CDH11: variants seen among roughly 807,000 people sequenced by gnomAD.
CDH11 encodes cadherin-11.
Under a neutral mutation model 67.8 loss-of-function variants are expected in CDH11, and 11 were observed. The ratio of observed to expected loss-of-function variants is 0.16; its 90% CI spans 0.10 to 0.27. CDH11 has a LOEUF of 0.27. Among genes scored for constraint, CDH11 ranks in the 10% least tolerant of loss-of-function variants. The probability of loss-of-function intolerance (pLI) is 1.00; values close to 1 mark genes in which losing one functional copy is unlikely to be tolerated. For synonymous variants in CDH11, 419 were observed against 400.0 expected (o/e 1.05, Z -0.57); for missense variants, 847 against 1,031.2 (o/e 0.82, Z 2.45).
chr16:65,106,961 G>A (rs1435901256), intron 1 of CDH11, among the ~76,000 whole-genome samples: 1 of 151,758 alleles, frequency 6.6e-6, no homozygotes, highest in Admixed American at 6.6e-5. Flanking sequence ...ATGGGAAAAG[G>A]TTTCTGGATC....
At chr16:65,097,484 G>C (rs1199611249) in intron 1 of CDH11, among the ~76,000 whole-genome samples, 1 of 152,172 alleles carries the variant, frequency 6.6e-6, no homozygotes, top group Non-Finnish European at 1.5e-5. Flanking sequence ...TTTGCAGAGG[G>C]CTGTCCTGTG....
Position 65,121,781 on chromosome 16 carries a change from A to T in CDH11, c.-298+99T>A. On this transcript the variant is annotated intron_variant, in intron 1 of 12. Coordinates refer to ENST00000268603, the MANE Select transcript of CDH11 (RefSeq NM_001797.4). This position sits in a 1 kb window ranked among gnomAD's most constrained non-coding sequence, Gnocchi z 4.1. ...CTCAGATACCACCGTCCCCCTCACC[A>T]CCCCGCCCCGCCAAGACATTCTCTT... 1.4e-6 allele frequency: 1 copy of T among 689,696 alleles called. No homozygotes were observed. The highest frequency in any genetic ancestry group is 1.5e-5 in the South Asian group (1 of 66,470). The allele number at this position is 689,696 out of a possible 1,614,324, so 42.7% of individuals were successfully genotyped here.
chr16:65,040,863 T>G (rs542297505), intron 2 of CDH11, among the ~76,000 whole-genome samples: 57 of 152,316 alleles, frequency 3.7e-4, no homozygotes, highest in African/African-American at 1.3e-3. Context: ...GTTGCATGCA[T>G]AGAAAATGTA....
intron 7 of CDH11, 176 bp downstream of exon 7, chr16:64,987,981 A>C (rs2072527909): frequency 2.0e-6 from 1 of 497,198 alleles, no homozygotes. Flanking sequence ...CTCTGCAGTA[A>C]CAGAAAGGAA....
chr16:65,108,922 G>A (rs62044963), intron 1 of CDH11, among the ~76,000 whole-genome samples: 11,371 of 152,138 alleles, frequency 0.075, 522 homozygotes, highest in South Asian at 0.14. Context: ...TGAGGCAGAC[G>A]GAGCACTTGA....
chr16:65,012,861 T>C (rs1337764021), intron 2 of CDH11, among the ~76,000 whole-genome samples: 1 of 152,232 alleles, frequency 6.6e-6, no homozygotes, highest in South Asian at 2.1e-4. Context: ...TGTTCAGATA[T>C]AGACAATGCC....
chr16:64,960,573 T>C (rs1272227623), intron 11 of CDH11, among the ~76,000 whole-genome samples: 1 of 152,082 alleles, frequency 6.6e-6, no homozygotes, highest in African/African-American at 2.4e-5. Context: ...ACCTGGGAGA[T>C]GTCTTTATGT....
chr16:65,099,341 G>A (rs540921690), intron 1 of CDH11, among the ~76,000 whole-genome samples: 60 of 152,260 alleles, frequency 3.9e-4, no homozygotes, highest in African/African-American at 1.4e-3. Flanking sequence ...GAGGACCTAT[G>A]TGGTACATGT....
rs1044671105 is a variant in CDH11 at position 65,077,278 on chromosome 16, G to A, written c.-297-23350C>T. Among the ~76,000 whole-genome samples, 4 of 152,206 alleles carry A rather than the reference G, an allele frequency of 2.6e-5. No individual in the cohort carries two copies. In the East Asian group the frequency reaches 7.7e-4, roughly 29 times the overall value. ...TCCTTATTGGAGGAAAAAAAAGTGA[G>A]TATAAGCATCTTTACTGATGATTAC... is the stretch of plus-strand genomic sequence containing the variant. On this transcript the variant is annotated intron_variant, in intron 1 of 12. Transcript: ENST00000268603.
intron 2 of CDH11, among the ~76,000 whole-genome samples, chr16:65,023,766 T>C (rs928082030): frequency 6.6e-6 from 1 of 152,292 alleles, no homozygotes; most frequent in African/African-American, 2.4e-5. Context: ...TCTTTTAGCA[T>C]TGGAATGCAT....
chr16:64,995,686 G>A (rs2072746039), intron 4 of CDH11, among the ~76,000 whole-genome samples: 1 of 152,070 alleles, frequency 6.6e-6, no homozygotes, highest in African/African-American at 2.4e-5. Flanking sequence ...TTGGCCTTGG[G>A]AGAGAATTTA....
rs2072006475 is a variant in CDH11, at chr16:64,971,593, A to G, written c.1628T>C (p.Val543Ala). ...PEIIHNPNFT[V>A]RDNRDNTAGV... is the part of the protein sequence containing the mutation. ...TTAGTACAAACCTCGGTTGTCTCTG[A>G]CTGTGAAATTTGGATTGTGAATGAT... is the stretch of plus-strand genomic sequence containing the variant. The change falls in exon 11 of 13, where the codon GTC (valine) becomes GCC (alanine). Residue 543 changes from valine (V) to alanine (A), a missense_variant. By Grantham distance (64) the Val-to-Ala change is moderately conservative (BLOSUM62 0). Coordinates refer to ENST00000268603, the MANE Select transcript of CDH11 (RefSeq NM_001797.4). The G allele has an allele frequency of 2.5e-6, 4 of 1,610,154 alleles. No homozygotes were observed. Among genetic ancestry groups the G allele is most frequent in the Non-Finnish European group, 3.4e-6 (4 of 1,177,484 alleles).
chr16:65,024,559 G>A (rs1407339592), intron 2 of CDH11, among the ~76,000 whole-genome samples: 1 of 152,166 alleles, frequency 6.6e-6, no homozygotes, highest in Non-Finnish European at 1.5e-5. Flanking sequence ...TTAAAAAGCA[G>A]TTCTTCAAAG....
At chr16:64,994,277 T>C (rs74026218) in intron 4 of CDH11, among the ~76,000 whole-genome samples, 1 of 152,218 alleles carries the variant, frequency 6.6e-6, no homozygotes, top group Non-Finnish European at 1.5e-5. Context: ...TAAAGGAAAA[T>C]ACCATCATGG....
chr16:65,075,252 G>T lies in CDH11; in HGVS notation c.-297-21324C>A, dbSNP rs559196547. ...TTGTCACCATGCTGGGGGACAGAAT[G>T]TCAGACAAGCTTCTTGTCTCTGAAA... On this transcript the variant is annotated intron_variant, in intron 1 of 12. Coordinates refer to ENST00000268603, the MANE Select transcript of CDH11 (RefSeq NM_001797.4). 5.9e-5 allele frequency among the ~76,000 whole-genome samples: 9 copies of T among 152,324 alleles called. No homozygotes were observed. In the East Asian group the frequency reaches 1.7e-3, roughly 29 times the overall value.
chr16:65,026,527 G>A (rs1019721296), intron 2 of CDH11, among the ~76,000 whole-genome samples: 1 of 152,254 alleles, frequency 6.6e-6, no homozygotes, highest in East Asian at 1.9e-4. Context: ...CACCACTCAA[G>A]AAATATTTTT....
chr16:64,945,708 T>C lies in CDH11; in HGVS notation c.*1895A>G, dbSNP rs528247991. 9.6e-7 allele frequency: 1 copy of C among 1,041,312 alleles called. No homozygotes were observed. Among genetic ancestry groups the C allele is most frequent in the African/African-American group, 1.7e-5 (1 of 59,890 alleles). 64.5% of individuals were successfully genotyped at this position (1,041,312 alleles called of 1,614,324 possible). Reference sequence around the variant, plus strand: ...ATTCCATTGAAGTGTTCAGCCCAATTTGATTTCAATGCAAAGTAAAATGGA... The same window carrying C: ...ATTCCATTGAAGTGTTCAGCCCAATCTGATTTCAATGCAAAGTAAAATGGA... On this transcript the variant is annotated 3_prime_UTR_variant, in exon 13 of 13. Coordinates refer to ENST00000268603, the MANE Select transcript of CDH11 (RefSeq NM_001797.4).
intron 2 of CDH11, among the ~76,000 whole-genome samples, chr16:65,018,276 A>G (rs117003715): frequency 0.027 from 4,039 of 152,250 alleles, 96 homozygotes; most frequent in Middle Eastern, 0.034. Context: ...TATGAGGCCA[A>G]TTTTCCCAAG....
Position 64,971,677 on chromosome 16 carries a change from G to C in CDH11, c.1544C>G (p.Ala515Gly). 1 of 1,610,716 alleles carries C rather than the reference G, an allele frequency of 6.2e-7. No individual in the cohort carries two copies. The highest frequency in any genetic ancestry group is 8.5e-7 in the Non-Finnish European group (1 of 1,177,168). Residue 515 changes from alanine (A) to glycine (G), a missense_variant, in exon 11 of 13, where the codon GCA (alanine) becomes GGA (glycine). Physicochemically the swap from Ala to Gly is moderately conservative, Grantham distance 60 (BLOSUM62 0). Coordinates refer to ENST00000268603, the MANE Select transcript of CDH11 (RefSeq NM_001797.4). ...ATTGGCCGTGTCATCCTTGTCATCT[G>C]CACTAATTGTAACAATTGGCTGAAA... The part of the protein sequence containing the change: ...LSNQPIVTIS[A>G]DDKDDTANGP...
Sources: allele counts gnomAD v4.1 joint callset (sites outside exome capture counted in the v4.1 genomes callset), GRCh38; gene constraint gnomAD v4.1.1; non-coding constraint Gnocchi (gnomAD v3.1); transcripts MANE v1.5; gene names NCBI Gene and HGNC (gene_info 2026-07-23, HGNC 2026-07-21).